Variants in CNOT6L observed in about 807,000 individuals in gnomAD.
The protein encoded by CNOT6L is CCR4-NOT transcription complex subunit 6-like.
A neutral mutation model predicts 64.0 loss-of-function variants in CNOT6L; 7 were observed. That is an observed-to-expected ratio of 0.11 (90% CI 0.06 to 0.21). CNOT6L has a LOEUF of 0.21. Ranked by LOEUF, CNOT6L falls within the 10% of genes least tolerant of loss-of-function variation. The pLI, the probability that CNOT6L is intolerant of heterozygous loss-of-function variation, is 1.00. For missense variants in CNOT6L, 245 were observed against 669.0 expected (o/e 0.37, Z 6.99); for synonymous variants, 193 against 243.4 (o/e 0.79, Z 1.93).
At chr4:77,727,063 T>C (rs1250066414) in intron 10 of CNOT6L, among the ~76,000 whole-genome samples, 2 of 152,202 alleles carry the variant, frequency 1.3e-5, no homozygotes, top group Non-Finnish European at 2.9e-5. Flanking sequence ...AGTGCACTGT[T>C]AGAGTCATCT....
chr4:77,778,835 G>A (rs1236097948), intron 1 of CNOT6L, among the ~76,000 whole-genome samples: 3 of 151,450 alleles, frequency 2.0e-5, no homozygotes, highest in Non-Finnish European at 4.4e-5. Flanking sequence ...ACAAGGTCAG[G>A]AGATCGAGAC....
intron 8 of CNOT6L, among the ~76,000 whole-genome samples, chr4:77,740,379 A>G (rs772135990): frequency 3.9e-5 from 6 of 152,118 alleles, no homozygotes; most frequent in Non-Finnish European, 7.4e-5. Context: ...CCCTGTCTAA[A>G]AACAAAAACA....
chr4:77,775,912 G>A (rs1178370297), intron 2 of CNOT6L, among the ~76,000 whole-genome samples: 11 of 152,026 alleles, frequency 7.2e-5, no homozygotes, highest in Admixed American at 2.6e-4. Context: ...AGAATAAATA[G>A]CTTCCAGGTT....
intron 4 of CNOT6L, among the ~76,000 whole-genome samples, chr4:77,767,086 A>G (rs1303931925): frequency 3.1e-4 from 44 of 140,346 alleles, no homozygotes; most frequent in Non-Finnish European, 6.4e-4. Flanking sequence ...AAAAAAAAAA[A>G]GGGAAAAAAG....
chr4:77,739,780 CTA>C (rs1010433487), intron 8 of CNOT6L, among the ~76,000 whole-genome samples: 3 of 152,156 alleles, frequency 2.0e-5, no homozygotes, highest in Admixed American at 2.0e-4. Context: ...TAAGTACTTC[CTA>C]TGTGCTCATT....
chr4:77,729,537 A>G (rs1020154259), intron 9 of CNOT6L, among the ~76,000 whole-genome samples: 4 of 152,244 alleles, frequency 2.6e-5, no homozygotes, highest in Admixed American at 1.3e-4. Context: ...ATAAGATAAA[A>G]TAAGAAAGTC....
intron 1 of CNOT6L, among the ~76,000 whole-genome samples, chr4:77,816,993 G>A (rs1466232535): frequency 6.6e-6 from 1 of 152,106 alleles, no homozygotes; most frequent in Non-Finnish European, 1.5e-5. Context: ...TATATTCAGA[G>A]AAATATTCTA....
intron 1 of CNOT6L, among the ~76,000 whole-genome samples, chr4:77,794,903 GAATT>G (rs780705089): frequency 2.0e-5 from 3 of 151,236 alleles, no homozygotes; most frequent in African/African-American, 2.4e-5. Context: ...AAATCTAACA[GAATT>G]AATGAATAGA....
chr4:77,804,836 GA>G lies in CNOT6L; in HGVS notation c.5+14467del, dbSNP rs919869406. 5.2e-3 allele frequency among the ~76,000 whole-genome samples: 782 copies of G among 151,648 alleles called. 9 individuals carry two copies. The highest frequency in any genetic ancestry group is 0.018 in the African/African-American group (729 of 41,358). ...TTAATGAAAAAAGATGTTTTCAAATGAAAAAAAAGCAAATTTTTAAAAAAGT... is the reference window on the plus strand; with the variant it reads ...TTAATGAAAAAAGATGTTTTCAAATGAAAAAAAGCAAATTTTTAAAAAAGT... On this transcript the variant is annotated intron_variant, in intron 1 of 11. Transcript: ENST00000504123.
intron 6 of CNOT6L, among the ~76,000 whole-genome samples, chr4:77,747,189 G>A (rs1359871928): frequency 6.6e-6 from 1 of 151,932 alleles, no homozygotes; most frequent in Non-Finnish European, 1.5e-5. Context: ...TTGAGACAGG[G>A]TCTTGCTCTG....
At chr4:77,791,510 T>C (rs1459173697) in intron 1 of CNOT6L, among the ~76,000 whole-genome samples, 1 of 152,134 alleles carries the variant, frequency 6.6e-6, no homozygotes, top group African/African-American at 2.4e-5. Flanking sequence ...TAAATGGGTA[T>C]GTAAAAAGTT....
At chr4:77,819,118 C>G (rs1733997693) in intron 1 of CNOT6L, 186 bp downstream of exon 1, 16 of 1,150,128 alleles carry the variant, frequency 1.4e-5, no homozygotes, top group Non-Finnish European at 1.9e-5. Context: ...GGGTCAGCCC[C>G]GCCGCCCCCT....
Position 77,774,636 on chromosome 4 carries a change from G to A in CNOT6L, c.208C>T (p.Arg70Cys), listed in dbSNP as rs1727956783. The A allele has an allele frequency of 6.2e-7, 1 of 1,613,468 alleles. No individual in the cohort carries two copies. Among genetic ancestry groups the A allele is most frequent in the African/African-American group, 1.3e-5 (1 of 74,886 alleles). The change falls in exon 3 of 12, where the codon CGC (arginine) becomes TGC (cysteine). Residue 70 changes from arginine to cysteine, a missense_variant. Coordinates refer to ENST00000504123, the MANE Select transcript of CNOT6L (RefSeq NM_144571.3). ...ALHLNDNYLS[R>C]IPPDIAKLHN... is the part of the protein sequence containing the mutation. The stretch of plus-strand genomic sequence containing the variant: ...AGCTTGGCAATATCAGGTGGAATGC[G>A]ACTAAGGTAATTGTCATTTAGGTGC...
At chr4:77,748,582 AC>A (rs1724469964) in intron 5 of CNOT6L, among the ~76,000 whole-genome samples, 198 bp from the exon 6 acceptor site, 1 of 152,204 alleles carries the variant, frequency 6.6e-6, no homozygotes, top group South Asian at 2.1e-4. Context: ...CAGAACTAAT[AC>A]AAGAAAATAA....
intron 4 of CNOT6L, among the ~76,000 whole-genome samples, chr4:77,769,719 T>C (rs1727322805): frequency 6.6e-6 from 1 of 152,314 alleles, no homozygotes; most frequent in South Asian, 2.1e-4. Flanking sequence ...ATGTTAATTA[T>C]TCTTTTATAT....
intron 1 of CNOT6L, among the ~76,000 whole-genome samples, chr4:77,784,042 G>A (rs1729176449): frequency 6.6e-6 from 1 of 151,952 alleles, no homozygotes; most frequent in Non-Finnish European, 1.5e-5. Flanking sequence ...CTTTCCAAAG[G>A]TAATCCGAAG....
At chr4:77,764,399 A>G (rs985192604) in intron 4 of CNOT6L, among the ~76,000 whole-genome samples, 9 of 152,258 alleles carry the variant, frequency 5.9e-5, no homozygotes, top group African/African-American at 2.2e-4. Context: ...ATTTAAAAAG[A>G]GAAAAGGGAA....
At chr4:77,757,055 T>G (rs1373208392) in intron 4 of CNOT6L, 104 bp from the exon 5 acceptor site, 3 of 538,232 alleles carry the variant, frequency 5.6e-6, no homozygotes, top group Non-Finnish European at 9.7e-6. Flanking sequence ...TTCAATTTCT[T>G]AAATTGAATT....
At chr4:77,808,528 A>G (rs1376599201) in intron 1 of CNOT6L, among the ~76,000 whole-genome samples, 1 of 151,988 alleles carries the variant, frequency 6.6e-6, no homozygotes, top group Non-Finnish European at 1.5e-5. Flanking sequence ...CCTAGCCCAC[A>G]GTAGGTAACC....
Sources: gnomAD v4.1 joint callset for allele counts (sites outside exome capture counted in the v4.1 genomes callset) on GRCh38, gnomAD v4.1.1 for gene constraint, MANE v1.5 for transcripts, NCBI Gene and HGNC (gene_info 2026-07-23, HGNC 2026-07-21) for gene names.